MTAP: variants seen among roughly 807,000 people sequenced by gnomAD.
MTAP encodes S-methyl-5'-thioadenosine phosphorylase.
A neutral mutation model predicts 33.6 loss-of-function variants in MTAP; 33 were observed. That is an observed-to-expected ratio of 0.98 (90% confidence interval 0.74 to 1.31). MTAP has a LOEUF of 1.31. Among genes scored for constraint, MTAP ranks in the 40% most tolerant of loss-of-function variants. The pLI, the probability that MTAP is intolerant of heterozygous loss-of-function variation, is 0.00. For missense variants in MTAP, 367 were observed against 360.0 expected (o/e 1.02, Z -0.16); for synonymous variants, 148 against 125.7 (o/e 1.18, Z -1.19).
At chr9:21,918,888 C>G (rs186633578) in intron 1 of MTAP, among the ~76,000 whole-genome samples, 79 of 152,240 alleles carry the variant, frequency 5.2e-4, no homozygotes, top group Middle Eastern at 3.4e-3. Flanking sequence ...ATTACCCAGT[C>G]TTGGGGGTGT....
intron 4 of MTAP, among the ~76,000 whole-genome samples, chr9:21,826,757 CA>C (rs990695445): frequency 9.2e-5 from 14 of 151,956 alleles, no homozygotes; most frequent in African/African-American, 3.4e-4. Context: ...GTTGAAATCA[CA>C]AGGGAAAGTG....
chr9:21,894,331 T>C (rs978492296), intron 1 of MTAP, among the ~76,000 whole-genome samples: 2 of 151,692 alleles, frequency 1.3e-5, no homozygotes, highest in African/African-American at 4.8e-5. Context: ...GCATTCCCCG[T>C]GAGAACTGAA....
At chr9:21,833,563 G>T (rs1039304545) in intron 4 of MTAP, among the ~76,000 whole-genome samples, 79 of 152,168 alleles carry the variant, frequency 5.2e-4, no homozygotes, top group African/African-American at 1.8e-3. Context: ...TATTCACGCT[G>T]CTGTTTGATT....
Position 21,816,694 on chromosome 9 carries a change from C to T in MTAP, c.121-20C>T, listed in dbSNP as rs931233890. The T allele has an allele frequency of 3.1e-6, 5 of 1,604,310 alleles. No homozygotes were observed. In the East Asian group the frequency reaches 6.7e-5, roughly 22 times the overall value. Reference sequence around the variant, plus strand: ...GTTTTTAAATCACTGAGTTAAATGTCATTTTTTCATTGCATGCAGCCATCT... The same window carrying T: ...GTTTTTAAATCACTGAGTTAAATGTTATTTTTTCATTGCATGCAGCCATCT... On this transcript the variant is annotated intron_variant, in intron 2 of 7. Coordinates refer to ENST00000644715, the MANE Select transcript of MTAP (RefSeq NM_002451.4).
intron 1 of MTAP, among the ~76,000 whole-genome samples, chr9:21,875,331 A>T (rs1055294015): frequency 2.6e-5 from 4 of 152,002 alleles, no homozygotes; most frequent in Non-Finnish European, 5.9e-5. Flanking sequence ...TTTGATTAGC[A>T]TTTCTCTAAT....
chr9:21,936,818 A>G (rs1819046914), exon 8 of MTAP: 1 of 152,208 alleles, frequency 6.6e-6, no homozygotes, highest in South Asian at 2.1e-4. Context: ...GGAGATAACT[A>G]TATGCAAAGA....
chr9:21,865,381 TC>T lies in MTAP; in HGVS notation c.*3369del. ...GAACTGTGAGTTAATTAAACCTCTT[TC>T]CTTTATAAATTACCCAGTCATGGGC... On this transcript the variant is annotated 3_prime_UTR_variant, in exon 8 of 8. Transcript: ENST00000644715. The T allele has an allele frequency of 2.1e-6, 2 of 940,132 alleles. No homozygotes were observed. The highest frequency in any genetic ancestry group is 2.5e-6 in the Non-Finnish European group (2 of 788,710). 58.2% of individuals were successfully genotyped at this position (940,132 alleles called of 1,614,324 possible).
chr9:21,802,864 G>A (rs555978805), intron 1 of MTAP, 83 bp downstream of exon 1: 390 of 1,570,162 alleles, frequency 2.5e-4, no homozygotes, highest in South Asian at 7.3e-4. Context: ...GCCTCCGGGG[G>A]CCATGCGCCC....
Position 21,864,384 on chromosome 9 carries a change from T to C in MTAP, c.*2370T>C. 1.0e-6 allele frequency: 1 copy of C among 985,266 alleles called. No individual in the cohort carries two copies. The highest frequency in any genetic ancestry group is 1.2e-6 in the Non-Finnish European group (1 of 829,884). The allele number at this position is 985,266 out of a possible 1,614,324, so 61.0% of individuals were successfully genotyped here. A position where few individuals can be genotyped will look rare whatever the true frequency, so the allele number is the denominator to read the frequency against. Reference sequence around the variant, plus strand: ...TTTTAATTTAAGCTAGTATACTAAGTGAACACCATGGTCAGTTGTGAGCAT... The same window carrying C: ...TTTTAATTTAAGCTAGTATACTAAGCGAACACCATGGTCAGTTGTGAGCAT... On this transcript the variant is annotated 3_prime_UTR_variant, in exon 8 of 8. Coordinates refer to ENST00000644715, the MANE Select transcript of MTAP (RefSeq NM_002451.4).
At chr9:21,912,995 A>C (rs1419464780) in intron 1 of MTAP, among the ~76,000 whole-genome samples, 1 of 152,216 alleles carries the variant, frequency 6.6e-6, no homozygotes, top group Non-Finnish European at 1.5e-5. Flanking sequence ...AATAACAGAC[A>C]GAGAGCCAAA....
chr9:21,840,593 C>T (rs117935113), intron 5 of MTAP, among the ~76,000 whole-genome samples: 3 of 152,314 alleles, frequency 2.0e-5, no homozygotes, highest in South Asian at 2.1e-4. Context: ...TTTGGATGTA[C>T]TCCCAGTCTC....
Position 21,802,800 on chromosome 9 carries a change from G to T in MTAP, c.33+19G>T. 6.2e-7 allele frequency: 1 copy of T among 1,612,730 alleles called. No homozygotes were observed. Among genetic ancestry groups the T allele is most frequent in the Non-Finnish European group, 8.5e-7 (1 of 1,179,668 alleles). On this transcript the variant is annotated intron_variant, in intron 1 of 7. Transcript: ENST00000644715. ...CGTGAAGGTGAGATGAGCCCTCCCAGCCGCAGCGGTTCGCCCTGCCGGATG... is the reference window on the plus strand; with the variant it reads ...CGTGAAGGTGAGATGAGCCCTCCCATCCGCAGCGGTTCGCCCTGCCGGATG...
intron 1 of MTAP, among the ~76,000 whole-genome samples, chr9:21,915,051 C>CTTTCTTT (rs1563869484): frequency 8.2e-5 from 3 of 36,542 alleles, no homozygotes; most frequent in African/African-American, 4.1e-4. Flanking sequence ...TTCCTTCCTT[C>CTTTCTTT]CTTCCTTTCT....
At chr9:21,921,907 T>A (rs1054042127) in intron 1 of MTAP, among the ~76,000 whole-genome samples, 1 of 152,040 alleles carries the variant, frequency 6.6e-6, no homozygotes, top group South Asian at 2.1e-4. Flanking sequence ...GAGTAGGTAG[T>A]TAGGCAGACA....
In MTAP at chr9:21,802,645, G is replaced by A; in HGVS notation, c.-104G>A. The A allele has an allele frequency of 3.0e-6, 4 of 1,332,714 alleles. No homozygotes were observed. The highest frequency in any genetic ancestry group is 4.2e-6 in the Non-Finnish European group (4 of 942,218). 82.6% of individuals were successfully genotyped at this position (1,332,714 alleles called of 1,614,324 possible). A position where few individuals can be genotyped will look rare whatever the true frequency, so the allele number is the denominator to read the frequency against. Reference sequence around the variant, plus strand: ...AAGGCCCGCCCCTGGTCTCCGCACTGCTCACTCCCGCGCAGTGAGGTTGGC... The same window carrying A: ...AAGGCCCGCCCCTGGTCTCCGCACTACTCACTCCCGCGCAGTGAGGTTGGC... On this transcript the variant is annotated 5_prime_UTR_variant, in exon 1 of 8. Coordinates refer to ENST00000644715, the MANE Select transcript of MTAP (RefSeq NM_002451.4).
At chr9:21,811,069 C>T (rs1156556011) in intron 1 of MTAP, among the ~76,000 whole-genome samples, 2 of 152,256 alleles carry the variant, frequency 1.3e-5, no homozygotes, top group South Asian at 4.1e-4. Context: ...GTGCTCAGAT[C>T]GGGCTGTGCC....
At chr9:21,843,062 G>A (rs892455892) in intron 5 of MTAP, among the ~76,000 whole-genome samples, 9 of 152,106 alleles carry the variant, frequency 5.9e-5, no homozygotes, top group African/African-American at 1.2e-4. Context: ...AAGGTAAAAG[G>A]GTGGAAAAAG....
rs369069716 is a variant in MTAP at position 21,858,282 on chromosome 9, A to G, written c.691-1021A>G. ...TCTAGACCATATTAACCCATTATAC[A>G]TCTGAGATATTTTCTCCGATACCAT... On this transcript the variant is annotated intron_variant, in intron 6 of 7. Transcript: ENST00000644715. Among the ~76,000 whole-genome samples the G allele has an allele frequency of 1.5e-4, 23 of 152,314 alleles. 1 individual carries two copies. The highest frequency in any genetic ancestry group is 5.5e-4 in the African/African-American group (23 of 41,568).
chr9:21,929,487 C>T (rs77418183), intron 1 of MTAP: 5,941 of 239,604 alleles, frequency 0.025, 153 homozygotes, highest in South Asian at 0.049. Context: ...TCATACTCAA[C>T]GCTTTACTGG....
Sources: gnomAD v4.1 joint callset for allele counts (sites outside exome capture counted in the v4.1 genomes callset) on GRCh38, gnomAD v4.1.1 for gene constraint, MANE v1.5 for transcripts, NCBI Gene and HGNC (gene_info 2026-07-23, HGNC 2026-07-21) for gene names.